ZSCAN5A: variants seen among roughly 807,000 people sequenced by gnomAD.
ZSCAN5A encodes the protein zinc finger and SCAN domain containing 5A.
ZSCAN5A carries 12 observed loss-of-function variants against 23.7 expected under a neutral mutation model. The ratio of observed to expected loss-of-function variants is 0.51; its 90% CI spans 0.32 to 0.82. The LOEUF is 0.82. Among genes scored for constraint, ZSCAN5A ranks in the 40% least tolerant of loss-of-function variants. The pLI, the probability that ZSCAN5A is intolerant of heterozygous loss-of-function variation, is 0.03. For synonymous variants in ZSCAN5A, 257 were observed against 239.9 expected (o/e 1.07, Z -0.66); for missense variants, 597 against 617.9 (o/e 0.97, Z 0.36).
At chr19:56,322,256 G>T (rs1360790017) in intron 2 of ZSCAN5A, 2 of 1,125,484 alleles carry the variant, frequency 1.8e-6, no homozygotes, top group African/African-American at 1.5e-5. Context: ...TAAAACAGTT[G>T]CAAGAGCACC....
intron 2 of ZSCAN5A, among the ~76,000 whole-genome samples, chr19:56,333,473 T>A (rs1411229668): frequency 6.6e-6 from 1 of 152,018 alleles, no homozygotes; most frequent in Non-Finnish European, 1.5e-5. Flanking sequence ...ATTCCTTAAT[T>A]GAGCTTTTCA....
chr19:56,252,309 G>C (rs546390686), intron 2 of ZSCAN5A, among the ~76,000 whole-genome samples: 3 of 152,310 alleles, frequency 2.0e-5, no homozygotes, highest in Non-Finnish European at 4.4e-5. Context: ...GTGAGAGGCT[G>C]TAACAACGCA....
chr19:56,232,647 C>T (rs1275047776), intron 2 of ZSCAN5A, among the ~76,000 whole-genome samples: 1 of 152,012 alleles, frequency 6.6e-6, no homozygotes, highest in Non-Finnish European at 1.5e-5. Flanking sequence ...TTTTTTCTTC[C>T]CCTTCCCCTA....
At chr19:56,240,188 A>AAAC (rs1555794698) in intron 2 of ZSCAN5A, among the ~76,000 whole-genome samples, 5 of 149,798 alleles carry the variant, frequency 3.3e-5, no homozygotes, top group Admixed American at 6.6e-5. Flanking sequence ...AGAAAAAAAA[A>AAAC]CCCATAAAAC....
At chr19:56,324,161 T>C (rs1274425781) in intron 2 of ZSCAN5A, among the ~76,000 whole-genome samples, 5 of 152,142 alleles carry the variant, frequency 3.3e-5, no homozygotes, top group African/African-American at 1.2e-4. Context: ...TAACCACCAA[T>C]CAACTCTCTA....
At position 56,241,673 on chromosome 19, in the gene ZSCAN5A, G is replaced by A. The variant is rs139794038; in HGVS notation, c.-127-16500C>T. On this transcript the variant is annotated intron_variant, in intron 2 of 5. Coordinates refer to ENST00000683990, the MANE Select transcript of ZSCAN5A (RefSeq NM_001322064.3). ...ACTGAAGTCACCATGTTGGACAACG[G>A]CTCTCTTGAATTCATCTCTCCAACT... 1.2e-4 allele frequency among the ~76,000 whole-genome samples: 18 copies of A among 152,208 alleles called. No individual in the cohort carries two copies. The East Asian group carries it at 2.9e-3, about 24-fold the overall frequency.
At chr19:56,354,169 CAG>C (rs2041687037) in intron 2 of ZSCAN5A, among the ~76,000 whole-genome samples, 1 of 152,162 alleles carries the variant, frequency 6.6e-6, no homozygotes, top group Non-Finnish European at 1.5e-5. Flanking sequence ...TTAATGTTTA[CAG>C]AGTTTCAATT....
intron 2 of ZSCAN5A, among the ~76,000 whole-genome samples, chr19:56,257,773 A>AG: frequency 1.2e-5 from 1 of 80,252 alleles, no homozygotes; most frequent in Middle Eastern, 8.6e-3. Context: ...CACAGGCGCC[A>AG]GGGGACTCTG....
chr19:56,249,558 G>A (rs2036198814), intron 2 of ZSCAN5A, among the ~76,000 whole-genome samples: 1 of 152,210 alleles, frequency 6.6e-6, no homozygotes, highest in Non-Finnish European at 1.5e-5. Flanking sequence ...ATGAGCACGA[G>A]CCGCCATACC....
intron 2 of ZSCAN5A, among the ~76,000 whole-genome samples, chr19:56,324,034 T>TATG (rs1202238409): frequency 6.6e-6 from 1 of 152,194 alleles, no homozygotes; most frequent in East Asian, 1.9e-4. Context: ...CAAATTATTG[T>TATG]TAACTATAGT....
intron 2 of ZSCAN5A, among the ~76,000 whole-genome samples, chr19:56,248,362 G>C (rs149603793): frequency 4.7e-4 from 71 of 152,198 alleles, no homozygotes; most frequent in African/African-American, 1.7e-3. Context: ...CACGGCTCAA[G>C]CAATTCTGCC....
chr19:56,349,661 C>A (rs1291450428), intron 2 of ZSCAN5A, among the ~76,000 whole-genome samples: 1 of 131,460 alleles, frequency 7.6e-6, no homozygotes, highest in Non-Finnish European at 1.5e-5. Context: ...GCCAAGATCA[C>A]ACCACTGCAC....
At chr19:56,225,273 C>A in intron 2 of ZSCAN5A, 100 bp from the exon 3 acceptor site, 1 of 1,157,920 alleles carries the variant, frequency 8.6e-7, no homozygotes, top group East Asian at 2.8e-5. Flanking sequence ...TCAGCAGCAT[C>A]GAATTCAGCA....
At chr19:56,257,254 G>C (rs1447896206) in intron 2 of ZSCAN5A, among the ~76,000 whole-genome samples, 3 of 152,168 alleles carry the variant, frequency 2.0e-5, no homozygotes, top group African/African-American at 7.2e-5. Flanking sequence ...CACGAAAGGA[G>C]AGATTCGAGT....
intron 2 of ZSCAN5A, among the ~76,000 whole-genome samples, chr19:56,258,133 T>C (rs73621069): frequency 0.11 from 16,620 of 149,758 alleles, 3,239 homozygotes; most frequent in African/African-American, 0.39. Context: ...ACACAGGTGC[T>C]GGGGGATTCT....
intron 2 of ZSCAN5A, among the ~76,000 whole-genome samples, chr19:56,322,693 G>A (rs1166642237): frequency 6.6e-6 from 1 of 151,988 alleles, no homozygotes; most frequent in Non-Finnish European, 1.5e-5. Flanking sequence ...TTAGTTCTAG[G>A]ATCATCTCAG....
chr19:56,306,950 TC>T (rs2040725893), intron 2 of ZSCAN5A, among the ~76,000 whole-genome samples: 1 of 47,414 alleles, frequency 2.1e-5, no homozygotes, highest in Non-Finnish European at 3.9e-5. Context: ...ACAAAGAGGC[TC>T]CTCCCTGGCC....
intron 2 of ZSCAN5A, among the ~76,000 whole-genome samples, chr19:56,325,861 G>T (rs1331305605): frequency 6.6e-6 from 1 of 152,160 alleles, no homozygotes; most frequent in East Asian, 1.9e-4. Flanking sequence ...CCTTTTGCCA[G>T]CTTTGAGTTT....
chr19:56,272,046 T>C (rs185591746), intron 2 of ZSCAN5A, among the ~76,000 whole-genome samples: 1 of 152,328 alleles, frequency 6.6e-6, no homozygotes, highest in African/African-American at 2.4e-5. Context: ...CCTGGAAATA[T>C]CATTATCCCA....
Sources: allele counts gnomAD v4.1 joint callset (sites outside exome capture counted in the v4.1 genomes callset), GRCh38; gene constraint gnomAD v4.1.1; transcripts MANE v1.5; gene names NCBI Gene and HGNC (gene_info 2026-07-23, HGNC 2026-07-21).